TIGD1: variants seen among roughly 807,000 people sequenced by gnomAD.
TIGD1 encodes the protein tigger transposable element derived 1.
In TIGD1, 20 loss-of-function variants were observed where a neutral mutation model predicts 21.3. That is an observed-to-expected ratio of 0.94 (90% CI 0.66 to 1.36). TIGD1 has a LOEUF of 1.36. TIGD1 is among the 40% of genes most tolerant of loss of function. The pLI is 0.00. For synonymous variants in TIGD1, 177 were observed against 123.2 expected, an observed-to-expected ratio of 1.44 and a Z score of -2.89; for missense variants, 556 against 350.5, an observed-to-expected ratio of 1.59 and a Z score of -4.68.
In TIGD1 at chr2:232,548,931, TCTC is replaced by T. The variant is rs1363510978; in HGVS notation, c.949_951del (p.Glu317del). On this transcript the variant is annotated inframe_deletion, in exon 1 of 1. Transcript: ENST00000408957. ...TTAGCAGGCATGAAAATAACATTAATCTCCTCGTATATCTCCATCAGAGCTCTT... is the reference window on the plus strand; with the variant it reads ...TTAGCAGGCATGAAAATAACATTAATCTCGTATATCTCCATCAGAGCTCTT... The T allele has an allele frequency of 1.5e-6, 1 of 676,430 alleles. No homozygotes were observed. Among genetic ancestry groups the T allele is most frequent in the Non-Finnish European group, 2.7e-6 (1 of 369,936 alleles). The allele number at this position is 676,430 out of a possible 1,614,324, so 41.9% of individuals were successfully genotyped here.
In TIGD1 at chr2:232,549,039, G is replaced by C. The variant is rs1214107710; in HGVS notation, c.844C>G (p.Pro282Ala). 1.4e-6 allele frequency: 1 copy of C among 709,506 alleles called. No homozygotes were observed. Among genetic ancestry groups the C allele is most frequent in the Non-Finnish European group, 2.6e-6 (1 of 383,200 alleles). The allele number at this position is 709,506 out of a possible 1,614,324, so 44.0% of individuals were successfully genotyped here. The change falls in exon 1 of 1, where the codon CCC becomes GCC. Residue 282 changes from proline (P) to alanine (A), a missense_variant. By Grantham distance (27) the Pro-to-Ala change is conservative. Transcript: ENST00000408957. ...TCTGAGCAGTAGGTCTCAACAGTGG[G>C]TTTAAAATATTCAGTAAACCACGCT... is the stretch of plus-strand genomic sequence containing the variant. ...FTAWFTEYFK[P>A]TVETYCSEKK...
In TIGD1 at chr2:232,550,549, G is replaced by T. The variant is rs1327519124; in HGVS notation, c.-667C>A. 2.5e-6 allele frequency: 2 copies of T among 800,888 alleles called. No individual in the cohort carries two copies. The highest frequency in any genetic ancestry group is 5.8e-5 in the East Asian group (2 of 34,640). 49.6% of individuals were successfully genotyped at this position (800,888 alleles called of 1,614,324 possible). A position where few individuals can be genotyped will look rare whatever the true frequency, so the allele number is the denominator to read the frequency against. ...GCAGCCAGCTCCGCCGCTGAGTCCA[G>T]CCCTCTGCGCAGCCGCCCTGAGCTG... On this transcript the variant is annotated 5_prime_UTR_variant, in exon 1 of 1. In the 5' UTR this introduces an upstream ATG that the reference lacks. Transcript: ENST00000408957.
rs1692165606 is a variant in TIGD1 at position 232,548,208 on chromosome 2, G to A, written c.1675C>T (p.Gln559Ter). The change falls in exon 1 of 1, where the codon CAA becomes TAA. Residue 559 changes from glutamine to a stop codon, truncating the protein, a stop_gained. Transcript: ENST00000408957. LOFTEE classifies it high-confidence loss of function. ...SYFRKLPQPP[Q>*]PSAATTLTSQ... ...GTCAGGGTGGTGGCTGCTGAAGGTT[G>A]GGGTGGCTGTGGCAATTTCCTAAAA... The A allele has an allele frequency of 3.2e-6, 5 of 1,539,856 alleles. No homozygotes were observed. Among genetic ancestry groups the A allele is most frequent in the Non-Finnish European group, 4.4e-6 (5 of 1,145,774 alleles).
rs1233410476 is a variant in TIGD1 at position 232,549,201 on chromosome 2, C to G, written c.682G>C (p.Ala228Pro). 1.4e-6 allele frequency: 1 copy of G among 697,730 alleles called. No homozygotes were observed. Among genetic ancestry groups the G allele is most frequent in the East Asian group, 2.7e-5 (1 of 37,012 alleles). The allele number at this position is 697,730 out of a possible 1,614,324, so 43.2% of individuals were successfully genotyped here. A position where few individuals can be genotyped will look rare whatever the true frequency, so the allele number is the denominator to read the frequency against. ...ATTGGCTTCAACTTAAAGTCACCAG[C>G]TGCATTAGCCCCTAACAAGAGAGTC... ...RLTLLLGANAAGDFKLKPMLI... is the reference protein window; with the variant it reads ...RLTLLLGANAPGDFKLKPMLI... Residue 228 changes from alanine (A) to proline (P), a missense_variant, in exon 1 of 1, where the codon GCT (alanine) becomes CCT (proline). By Grantham distance (27) the Ala-to-Pro change is conservative (BLOSUM62 -1). Coordinates refer to ENST00000408957, the MANE Select transcript of TIGD1 (RefSeq NM_145702.4).
chr2:232,545,593 C>A lies in TIGD1; in HGVS notation c.*2514G>T, dbSNP rs1156310146. On this transcript the variant is annotated 3_prime_UTR_variant, in exon 1 of 1. Coordinates refer to ENST00000408957, the MANE Select transcript of TIGD1 (RefSeq NM_145702.4). The stretch of plus-strand genomic sequence containing the variant: ...GCCGAGTGCTGGACCGCGTCTGCTT[C>A]CTGGCCATGCTCTCGCTCTTCATCT... 6.2e-7 allele frequency: 1 copy of A among 1,614,142 alleles called. No individual in the cohort carries two copies. Among genetic ancestry groups the A allele is most frequent in the Admixed American group, 1.7e-5 (1 of 60,022 alleles).
chr2:232,544,977 G>C lies in TIGD1; in HGVS notation c.*3130C>G, dbSNP rs1259838289. The stretch of plus-strand genomic sequence containing the variant: ...AACCGTGATAGAGACAGGATGAGTG[G>C]GGTTGCCAAGATAGGGCAGTGGGAT... On this transcript the variant is annotated 3_prime_UTR_variant, in exon 1 of 1. Transcript: ENST00000408957. The C allele has an allele frequency of 6.3e-7, 1 of 1,594,590 alleles. No individual in the cohort carries two copies. Among genetic ancestry groups the C allele is most frequent in the Non-Finnish European group, 8.6e-7 (1 of 1,167,138 alleles).
chr2:232,548,183 G>A lies in TIGD1; in HGVS notation c.1700C>T (p.Thr567Ile), dbSNP rs1574649122. 1.3e-6 allele frequency: 2 copies of A among 1,521,366 alleles called. No individual in the cohort carries two copies. Among genetic ancestry groups the A allele is most frequent in the South Asian group, 1.2e-5 (1 of 81,384 alleles). The allele number at this position is 1,521,366 out of a possible 1,614,324, so 94.2% of individuals were successfully genotyped here. Residue 567 changes from threonine to isoleucine, a missense_variant, in exon 1 of 1, where the codon ACC becomes ATC. Physicochemically the swap from Thr to Ile is moderately conservative, Grantham distance 89. Transcript: ENST00000408957. ...CCTCGAGGTTGATGGTTGCTGACTG[G>A]TCAGGGTGGTGGCTGCTGAAGGTTG... ...PPQPSAATTL[T>I]SQQPSTSRQD...
In TIGD1 at chr2:232,545,601, T is replaced by C. The variant is rs1379046260; in HGVS notation, c.*2506A>G. ...CTGGACCGCGTCTGCTTCCTGGCCA[T>C]GCTCTCGCTCTTCATCTGTGGCACA... On this transcript the variant is annotated 3_prime_UTR_variant, in exon 1 of 1. Transcript: ENST00000408957. 9.9e-6 allele frequency: 16 copies of C among 1,613,954 alleles called. No homozygotes were observed. The highest frequency in any genetic ancestry group is 1.6e-4 in the Middle Eastern group (1 of 6,084).
In TIGD1 at chr2:232,545,755, G is replaced by T. The variant is rs777563686; in HGVS notation, c.*2352C>A. On this transcript the variant is annotated 3_prime_UTR_variant, in exon 1 of 1. Coordinates refer to ENST00000408957, the MANE Select transcript of TIGD1 (RefSeq NM_145702.4). ...TGTGGGGCATGTGGGAGTCACACAC[G>T]TGGGTCACACTGAGTCTTATCAGCC... The T allele has an allele frequency of 1.2e-6, 2 of 1,607,980 alleles. No homozygotes were observed. The highest frequency in any genetic ancestry group is 1.7e-5 in the Admixed American group (1 of 60,018).
At position 232,550,173 on chromosome 2, in the gene TIGD1, A is replaced by AT. The variant is rs1225538726; in HGVS notation, c.-292dup. On this transcript the variant is annotated 5_prime_UTR_variant, in exon 1 of 1. The change creates a new upstream start codon in the 5' untranslated region. Transcript: ENST00000408957. Reference sequence around the variant, plus strand: ...TAACACAGAGACACCAAGTGAGCACATGCTGTTGGAAAAATGGCGCTGATA... The same window carrying AT: ...TAACACAGAGACACCAAGTGAGCACATTGCTGTTGGAAAAATGGCGCTGATA... 1.5e-5 allele frequency: 5 copies of AT among 338,084 alleles called. No individual in the cohort carries two copies. In the Middle Eastern group the frequency reaches 2.5e-3, roughly 169 times the overall value. The allele number at this position is 338,084 out of a possible 1,614,324, so 20.9% of individuals were successfully genotyped here.
In TIGD1 at chr2:232,547,379, C is replaced by T. The variant is rs1235958905; in HGVS notation, c.*728G>A. 1.3e-5 allele frequency among the ~76,000 whole-genome samples: 2 copies of T among 152,210 alleles called. No individual in the cohort carries two copies. The highest frequency in any genetic ancestry group is 4.1e-4 in the South Asian group (2 of 4,824). ...GCTGCAGTGAGCTGTGATCATGTGACTGCACTCCAGCCTGATGACACAGTA... is the reference window on the plus strand; with the variant it reads ...GCTGCAGTGAGCTGTGATCATGTGATTGCACTCCAGCCTGATGACACAGTA... On this transcript the variant is annotated 3_prime_UTR_variant, in exon 1 of 1. Transcript: ENST00000408957.
chr2:232,544,286 C>T lies in TIGD1; in HGVS notation c.*3821G>A. The stretch of plus-strand genomic sequence containing the variant: ...GGTATGCTGCCTCCATGGTCCCTAG[C>T]AGCACAAGCCCTTCACGCCAACCTC... On this transcript the variant is annotated 3_prime_UTR_variant, in exon 1 of 1. Coordinates refer to ENST00000408957, the MANE Select transcript of TIGD1 (RefSeq NM_145702.4). The T allele has an allele frequency of 9.5e-7, 1 of 1,050,798 alleles. No individual in the cohort carries two copies. The highest frequency in any genetic ancestry group is 1.5e-6 in the Non-Finnish European group (1 of 675,338). The allele number at this position is 1,050,798 out of a possible 1,614,324, so 65.1% of individuals were successfully genotyped here. A position where few individuals can be genotyped will look rare whatever the true frequency, so the allele number is the denominator to read the frequency against.
In TIGD1 at chr2:232,545,115, G is replaced by A. The variant is rs1200750509; in HGVS notation, c.*2992C>T. On this transcript the variant is annotated 3_prime_UTR_variant, in exon 1 of 1. Coordinates refer to ENST00000408957, the MANE Select transcript of TIGD1 (RefSeq NM_145702.4). ...AGTTTGAGACCAGCCTGGCCAACAT[G>A]GCAAAACCCTATCTCTACCAAAAAT... 6.6e-6 allele frequency among the ~76,000 whole-genome samples: 1 copy of A among 152,110 alleles called. No homozygotes were observed. The highest frequency in any genetic ancestry group is 2.4e-5 in the African/African-American group (1 of 41,418).
rs887703005 is a variant in TIGD1, at chr2:232,549,366, T to A, written c.517A>T (p.Ile173Phe). Reference sequence around the variant, plus strand: ...TGTTTAGTGTAGCCACCTTCGTCAATGATCTTAGCTAAAGCTTCTGGATAA... The same window carrying A: ...TGTTTAGTGTAGCCACCTTCGTCAAAGATCTTAGCTAAAGCTTCTGGATAA... ...ASYPEALAKI[I>F]DEGGYTKQQI... Residue 173 changes from isoleucine (I) to phenylalanine (F), a missense_variant, in exon 1 of 1, where the codon ATT (isoleucine) becomes TTT (phenylalanine). By Grantham distance (21) the Ile-to-Phe change is conservative. Transcript: ENST00000408957. 2 of 641,026 alleles carry A rather than the reference T, an allele frequency of 3.1e-6. No individual in the cohort carries two copies. The highest frequency in any genetic ancestry group is 5.6e-6 in the Non-Finnish European group (2 of 358,648). The allele number at this position is 641,026 out of a possible 1,614,324, so 39.7% of individuals were successfully genotyped here. A position where few individuals can be genotyped will look rare whatever the true frequency, so the allele number is the denominator to read the frequency against.
Position 232,550,109 on chromosome 2 carries a change from C to A in TIGD1, c.-227G>T. ...AGATCACCATAACAGACACAGAAAT[C>A]ATGAAAAAGTTTTAAATATTTTGAG... is the stretch of plus-strand genomic sequence containing the variant. On this transcript the variant is annotated 5_prime_UTR_variant, in exon 1 of 1. An upstream start codon of the reference 5' UTR is lost. Coordinates refer to ENST00000408957, the MANE Select transcript of TIGD1 (RefSeq NM_145702.4). 2 of 418,468 alleles carry A rather than the reference C, an allele frequency of 4.8e-6. No homozygotes were observed. The highest frequency in any genetic ancestry group is 8.7e-6 in the Non-Finnish European group (2 of 229,360). The allele number at this position is 418,468 out of a possible 1,614,324, so 25.9% of individuals were successfully genotyped here.
Position 232,544,278 on chromosome 2 carries a change from G to A in TIGD1, c.*3829C>T, listed in dbSNP as rs997977107. The A allele has an allele frequency of 2.0e-6, 2 of 978,392 alleles. No individual in the cohort carries two copies. The highest frequency in any genetic ancestry group is 3.3e-6 in the Non-Finnish European group (2 of 610,550). The allele number at this position is 978,392 out of a possible 1,614,324, so 60.6% of individuals were successfully genotyped here. On this transcript the variant is annotated 3_prime_UTR_variant, in exon 1 of 1. Transcript: ENST00000408957. ...ACTGCCCCGGTATGCTGCCTCCATG[G>A]TCCCTAGCAGCACAAGCCCTTCACG... is the stretch of plus-strand genomic sequence containing the variant.
Position 232,544,855 on chromosome 2 carries a change from T to C in TIGD1, c.*3252A>G, listed in dbSNP as rs751549903. On this transcript the variant is annotated 3_prime_UTR_variant, in exon 1 of 1. Transcript: ENST00000408957. ...AGCCATCCAGGCCTGTGTGGAAGCCTGCAACCTCATTGCCTGTGCCCGGCA... is the reference window on the plus strand; with the variant it reads ...AGCCATCCAGGCCTGTGTGGAAGCCCGCAACCTCATTGCCTGTGCCCGGCA... The C allele has an allele frequency of 1.2e-6, 2 of 1,614,004 alleles. No homozygotes were observed. The highest frequency in any genetic ancestry group is 1.7e-6 in the Non-Finnish European group (2 of 1,180,016).
rs1026653330 is a variant in TIGD1 at position 232,546,855 on chromosome 2, CAAGG to C, written c.*1248_*1251del. Among the ~76,000 whole-genome samples the C allele has an allele frequency of 2.0e-5, 3 of 152,138 alleles. No homozygotes were observed. Among genetic ancestry groups the C allele is most frequent in the Non-Finnish European group, 4.4e-5 (3 of 68,042 alleles). On this transcript the variant is annotated 3_prime_UTR_variant, in exon 1 of 1. Coordinates refer to ENST00000408957, the MANE Select transcript of TIGD1 (RefSeq NM_145702.4). Reference sequence around the variant, plus strand: ...CCTTCTTCCCAAAGGATGGTTAAGACAAGGAAGAGCTAGGCAAGAGGAGGTGTGG... The same window carrying C: ...CCTTCTTCCCAAAGGATGGTTAAGACAAGAGCTAGGCAAGAGGAGGTGTGG...
At position 232,548,166 on chromosome 2, in the gene TIGD1, T is replaced by A; in HGVS notation, c.1717A>T (p.Thr573Ser). 1 of 1,424,996 alleles carries A rather than the reference T, an allele frequency of 7.0e-7. No homozygotes were observed. Among genetic ancestry groups the A allele is most frequent in the Non-Finnish European group, 9.4e-7 (1 of 1,060,308 alleles). 88.3% of individuals were successfully genotyped at this position (1,424,996 alleles called of 1,614,324 possible). A position where few individuals can be genotyped will look rare whatever the true frequency, so the allele number is the denominator to read the frequency against. ...GCTGGTGGAGGGTCTTGCCTCGAGG[T>A]TGATGGTTGCTGACTGGTCAGGGTG... ...ATTLTSQQPS[T>S]SRQDPPPAKR... Residue 573 changes from threonine (T) to serine (S), a missense_variant, in exon 1 of 1, where the codon ACC becomes TCC. By Grantham distance (58) the Thr-to-Ser change is moderately conservative (BLOSUM62 1). Coordinates refer to ENST00000408957, the MANE Select transcript of TIGD1 (RefSeq NM_145702.4).
Sources: gnomAD v4.1 joint callset for allele counts (sites outside exome capture counted in the v4.1 genomes callset) on GRCh38, gnomAD v4.1.1 for gene constraint, MANE v1.5 for transcripts, NCBI Gene and HGNC (gene_info 2026-07-23, HGNC 2026-07-21) for gene names.